TENT4B: variants seen among roughly 807,000 people sequenced by gnomAD.
TENT4B encodes the protein terminal nucleotidyltransferase 4B.
In TENT4B, 10 loss-of-function variants were observed where a neutral mutation model predicts 75.0. That is an observed-to-expected ratio of 0.13 (90% CI 0.08 to 0.23). The LOEUF is 0.23. Among genes scored for constraint, TENT4B ranks in the 10% least tolerant of loss-of-function variants. The pLI, the probability that TENT4B is intolerant of heterozygous loss-of-function variation, is 1.00. For synonymous variants in TENT4B, 350 were observed against 357.7 expected (o/e 0.98, Z 0.24); for missense variants, 579 against 893.8 (o/e 0.65, Z 4.49).
chr16:50,223,865 T>C (rs898459845), intron 7 of TENT4B, among the ~76,000 whole-genome samples: 1 of 152,236 alleles, frequency 6.6e-6, no homozygotes, highest in Admixed American at 6.5e-5. Flanking sequence ...TTTGCATGTC[T>C]CTTTGTGCTT....
At chr16:50,156,334 C>T (rs2037898671) in intron 1 of TENT4B, among the ~76,000 whole-genome samples, 1 of 135,210 alleles carries the variant, frequency 7.4e-6, no homozygotes, top group Non-Finnish European at 1.5e-5. Context: ...TGCTTTGATT[C>T]ATGTATTCTG....
At chr16:50,179,583 G>A (rs1386997193) in intron 1 of TENT4B, among the ~76,000 whole-genome samples, 2 of 152,118 alleles carry the variant, frequency 1.3e-5, no homozygotes, top group Non-Finnish European at 2.9e-5. Flanking sequence ...ATGCATTACT[G>A]TAAGGACCAC....
chr16:50,167,079 C>T (rs2038115309), intron 1 of TENT4B, among the ~76,000 whole-genome samples: 2 of 152,180 alleles, frequency 1.3e-5, no homozygotes, highest in African/African-American at 4.8e-5. Context: ...ATGTCGCTAG[C>T]ATGCCCAGCT....
At chr16:50,201,877 G>T (rs2030677661) in intron 1 of TENT4B, among the ~76,000 whole-genome samples, 1 of 148,560 alleles carries the variant, frequency 6.7e-6, no homozygotes, top group Non-Finnish European at 1.5e-5. Context: ...GTGCACACCT[G>T]TAACCCTAGC....
intron 1 of TENT4B, among the ~76,000 whole-genome samples, chr16:50,204,513 G>A (rs1426295062): frequency 6.6e-6 from 1 of 152,158 alleles, no homozygotes; most frequent in African/African-American, 2.4e-5. Flanking sequence ...TTGTAGGGAT[G>A]TCTAGCTGGT....
chr16:50,225,260 C>T lies in TENT4B; in HGVS notation c.1775C>T (p.Ala592Val). 6.2e-7 allele frequency: 1 copy of T among 1,613,802 alleles called. No individual in the cohort carries two copies. Among genetic ancestry groups the T allele is most frequent in the African/African-American group, 1.3e-5 (1 of 75,036 alleles). ...SSSGPVSSSSATQSSSSDVDS... is the reference protein window; with the variant it reads ...SSSGPVSSSSVTQSSSSDVDS... ...TCAGGTCCAGTGTCGTCCTCTTCTG[C>T]CACACAGTCCAGCTCTAGTGATGTA... The change falls in exon 10 of 12, where the codon GCC (alanine) becomes GTC (valine). Residue 592 changes from alanine to valine, a missense_variant. Physicochemically the swap from Ala to Val is moderately conservative, Grantham distance 64 (BLOSUM62 0). This residue lies in a region of TENT4B where 164 missense variants were observed against 226.5 expected (regional missense o/e 0.72). Transcript: ENST00000561678.
At chr16:50,154,282 G>C in intron 1 of TENT4B, 23 bp downstream of exon 1, 1 of 1,395,504 alleles carries the variant, frequency 7.2e-7, no homozygotes, top group Admixed American at 3.3e-5. Context: ...TCTGCGGCCC[G>C]ATGGCCTGGC....
chr16:50,170,158 T>C (rs2038178386), intron 1 of TENT4B, among the ~76,000 whole-genome samples: 1 of 152,038 alleles, frequency 6.6e-6, no homozygotes, highest in Non-Finnish European at 1.5e-5. Context: ...TAGCTGGGAT[T>C]ACAGGCGCCT....
At chr16:50,185,644 A>G (rs1379870367) in intron 1 of TENT4B, among the ~76,000 whole-genome samples, 1 of 152,220 alleles carries the variant, frequency 6.6e-6, no homozygotes, top group Non-Finnish European at 1.5e-5. Context: ...CGTGAAGAGG[A>G]TGCAGAGTAA....
chr16:50,153,213 AGCCGGCAGAGGCCCCGCCCCGGG>A, upstream of TENT4B, among the ~76,000 whole-genome samples: 1 of 93,328 alleles, frequency 1.1e-5, no homozygotes, highest in East Asian at 3.3e-4. Flanking sequence ...AGAGGGGCGG[AGCCGGCAGAGGCCCCGCCCCGGG>A]GCCGGAGGAG....
In TENT4B at chr16:50,154,270, G is replaced by A; in HGVS notation, c.638+11G>A. ...CCAGGGAGTCGTGGGGTGAGTGCTG[G>A]CTCTGCGGCCCGATGGCCTGGCCGG... On this transcript the variant is annotated intron_variant, in intron 1 of 11. Coordinates refer to ENST00000561678, the MANE Select transcript of TENT4B (RefSeq NM_001365324.3). 7.1e-7 allele frequency: 1 copy of A among 1,404,130 alleles called. No homozygotes were observed. The highest frequency in any genetic ancestry group is 9.2e-7 in the Non-Finnish European group (1 of 1,085,996). The allele number at this position is 1,404,130 out of a possible 1,614,324, so 87.0% of individuals were successfully genotyped here.
chr16:50,181,151 CA>C (rs2038407375), intron 1 of TENT4B, among the ~76,000 whole-genome samples: 1 of 152,124 alleles, frequency 6.6e-6, no homozygotes, highest in African/African-American at 2.4e-5. Context: ...TGGTCTTGTA[CA>C]AAAGTGTTGG....
At chr16:50,180,508 G>T (rs369869907) in intron 1 of TENT4B, among the ~76,000 whole-genome samples, 1 of 152,134 alleles carries the variant, frequency 6.6e-6, no homozygotes, top group Non-Finnish European at 1.5e-5. Flanking sequence ...GGAGTTCAAG[G>T]CCACCCTGGC....
At chr16:50,166,371 C>A (rs576831575) in intron 1 of TENT4B, among the ~76,000 whole-genome samples, 41 of 152,186 alleles carry the variant, frequency 2.7e-4, no homozygotes, top group Non-Finnish European at 5.0e-4. Flanking sequence ...AGGCGTGAGC[C>A]ACTGCACCCA....
At chr16:50,213,212 C>A (rs1448881133) in intron 2 of TENT4B, among the ~76,000 whole-genome samples, 1 of 152,150 alleles carries the variant, frequency 6.6e-6, no homozygotes, top group African/African-American at 2.4e-5. Flanking sequence ...GCGCCCGTCA[C>A]CACACCTGGC....
intron 1 of TENT4B, among the ~76,000 whole-genome samples, chr16:50,207,140 T>G (rs901970932): frequency 1.8e-4 from 27 of 151,992 alleles, no homozygotes; most frequent in African/African-American, 6.5e-4. Flanking sequence ...TATATGACTT[T>G]TCTTTTGTGA....
intron 1 of TENT4B, 26 bp from the exon 2 acceptor site, chr16:50,211,297 A>G: frequency 6.3e-7 from 1 of 1,594,276 alleles, no homozygotes; most frequent in Non-Finnish European, 8.5e-7. Flanking sequence ...CCCTGTTCAT[A>G]TTAACTTTTC....
At chr16:50,162,654 T>TC (rs2038023850) in intron 1 of TENT4B, among the ~76,000 whole-genome samples, 1 of 152,196 alleles carries the variant, frequency 6.6e-6, no homozygotes, top group Non-Finnish European at 1.5e-5. Flanking sequence ...GCTTTAATTT[T>TC]CCAGTTTTTC....
chr16:50,216,425 C>T (rs1290251599), intron 4 of TENT4B, among the ~76,000 whole-genome samples: 1 of 152,230 alleles, frequency 6.6e-6, no homozygotes, highest in East Asian at 1.9e-4. Flanking sequence ...ATCCTTCTAC[C>T]TCAGCCTCTT....
Sources: gnomAD v4.1 joint callset for allele counts (sites outside exome capture counted in the v4.1 genomes callset) on GRCh38, gnomAD v4.1.1 for gene constraint, gnomAD v4.1.1 regional missense constraint, MANE v1.5 for transcripts, NCBI Gene and HGNC (gene_info 2026-07-23, HGNC 2026-07-21) for gene names.